Variants in ADGRL2 observed in about 807,000 individuals in gnomAD.
The protein encoded by ADGRL2 is calcium-independent alpha-latrotoxin receptor 2.
Under a neutral mutation model 157.4 loss-of-function variants are expected in ADGRL2, and 44 were observed. The ratio of observed to expected loss-of-function variants is 0.28; its 90% CI spans 0.22 to 0.36. The LOEUF is 0.36. Ranked by LOEUF, ADGRL2 falls within the 10% of genes least tolerant of loss-of-function variation. ADGRL2 has a pLI of 1.00. For missense variants in ADGRL2, 1,510 were observed against 1,768.9 expected, an observed-to-expected ratio of 0.85 and a Z score of 2.63; for synonymous variants, 585 against 624.7, an observed-to-expected ratio of 0.94 and a Z score of 0.95.
intron 3 of ADGRL2, among the ~76,000 whole-genome samples, chr1:81,924,863 C>G (rs1372821353): frequency 1.3e-5 from 2 of 151,930 alleles, no homozygotes; most frequent in Admixed American, 1.3e-4. Flanking sequence ...GATTGTGTTG[C>G]CAGAATCTGA....
intron 2 of ADGRL2, among the ~76,000 whole-genome samples, chr1:81,571,277 A>T (rs1019169107): frequency 2.0e-5 from 3 of 151,168 alleles, no homozygotes; most frequent in African/African-American, 7.3e-5. Flanking sequence ...GTGAGCCAAG[A>T]TCATGCCACT....
At chr1:81,824,050 T>A (rs889351661) in intron 1 of ADGRL2, among the ~76,000 whole-genome samples, 2 of 152,124 alleles carry the variant, frequency 1.3e-5, no homozygotes, top group South Asian at 4.1e-4. Context: ...TAAGCGAAAG[T>A]CATGGTCCAT....
chr1:81,453,274 T>C (rs2077735403), intron 2 of ADGRL2, among the ~76,000 whole-genome samples: 1 of 152,164 alleles, frequency 6.6e-6, no homozygotes. Flanking sequence ...TAATATGCAA[T>C]AGCATAAACT....
intron 3 of ADGRL2, among the ~76,000 whole-genome samples, chr1:81,907,585 G>A (rs2094609630): frequency 6.6e-6 from 1 of 151,898 alleles, no homozygotes; most frequent in Admixed American, 6.6e-5. Flanking sequence ...CTGGGTCTTT[G>A]GCATTAGTTG....
At chr1:81,764,217 C>G (rs2086026421) in intron 2 of ADGRL2, among the ~76,000 whole-genome samples, 1 of 142,752 alleles carries the variant, frequency 7.0e-6, no homozygotes, top group East Asian at 2.2e-4. Flanking sequence ...AAGTAGATAA[C>G]TAGGCAAATA....
chr1:81,550,491 C>G (rs2080120127), intron 2 of ADGRL2, among the ~76,000 whole-genome samples: 2 of 152,058 alleles, frequency 1.3e-5, no homozygotes, highest in Admixed American at 1.3e-4. Flanking sequence ...GTTACAAGCC[C>G]AAGAGGTGTC....
At chr1:81,306,968 G>T (rs1051258130) in intron 1 of ADGRL2, among the ~76,000 whole-genome samples, 1 of 151,990 alleles carries the variant, frequency 6.6e-6, no homozygotes, top group African/African-American at 2.4e-5. Context: ...CAAAATAATA[G>T]ATTTTACTTT....
chr1:81,878,308 G>T (rs2093894483), intron 2 of ADGRL2, among the ~76,000 whole-genome samples: 2 of 151,768 alleles, frequency 1.3e-5, no homozygotes, highest in African/African-American at 4.8e-5. Context: ...GAAATTATAT[G>T]AGAAGAATTG....
intron 2 of ADGRL2, among the ~76,000 whole-genome samples, chr1:81,863,962 A>T (rs1208209677): frequency 2.6e-5 from 4 of 152,202 alleles, no homozygotes; most frequent in African/African-American, 9.6e-5. Context: ...AACATTAAAA[A>T]TAATTACAAT....
chr1:81,766,172 G>C (rs1211342328), intron 2 of ADGRL2, among the ~76,000 whole-genome samples: 1 of 152,092 alleles, frequency 6.6e-6, no homozygotes, highest in African/African-American at 2.4e-5. Context: ...GCTGATTACT[G>C]CCACTACATT....
chr1:81,813,746 C>T (rs575515344), intron 1 of ADGRL2, among the ~76,000 whole-genome samples: 1 of 151,764 alleles, frequency 6.6e-6, no homozygotes, highest in South Asian at 2.1e-4. Flanking sequence ...CTTATCGTAG[C>T]TGGTTTTTAA....
intron 1 of ADGRL2, among the ~76,000 whole-genome samples, chr1:81,706,192 C>T (rs1024769980): frequency 3.3e-5 from 5 of 150,592 alleles, no homozygotes; most frequent in Admixed American, 6.6e-5. Flanking sequence ...AACAAGACTC[C>T]GTTTCAAAAA....
intron 3 of ADGRL2, among the ~76,000 whole-genome samples, chr1:81,687,445 A>T (rs1290588226): frequency 1.3e-5 from 2 of 152,126 alleles, no homozygotes; most frequent in Non-Finnish European, 2.9e-5. Flanking sequence ...GTTTTGTCTG[A>T]TACAAGAATA....
chr1:81,871,212 G>T (rs1016919383), intron 2 of ADGRL2, among the ~76,000 whole-genome samples: 16 of 151,448 alleles, frequency 1.1e-4, no homozygotes, highest in African/African-American at 3.4e-4. Flanking sequence ...GTGACAGTTT[G>T]CTGAGAATGA....
intron 2 of ADGRL2, among the ~76,000 whole-genome samples, chr1:81,861,292 A>G (rs1207085332): frequency 6.6e-6 from 1 of 152,180 alleles, no homozygotes; most frequent in Non-Finnish European, 1.5e-5. Context: ...AAGTGCTGGG[A>G]TTACAGGCAT....
chr1:81,335,843 A>C (rs1323994578), intron 1 of ADGRL2, among the ~76,000 whole-genome samples: 5 of 151,652 alleles, frequency 3.3e-5, no homozygotes, highest in East Asian at 1.9e-4. Context: ...TTAAAAAAAA[A>C]AAAAACAAAA....
chr1:81,973,326 G>A (rs1659295747), intron 17 of ADGRL2, among the ~76,000 whole-genome samples: 1 of 152,120 alleles, frequency 6.6e-6, no homozygotes, highest in African/African-American at 2.4e-5. Context: ...GTGTTCATAT[G>A]TTAACACAGC....
chr1:81,371,197 A>G (rs2076154812), intron 1 of ADGRL2, among the ~76,000 whole-genome samples: 1 of 152,100 alleles, frequency 6.6e-6, no homozygotes. Context: ...CGACCACCTC[A>G]CCCTTCTTAT....
Position 81,324,126 on chromosome 1 carries a change from GC to G in ADGRL2, c.-302+17618del, listed in dbSNP as rs113929243. ...TGGTAGTGTGAGAGCCCTTTAAGAG[GC>G]TATTGTAGTGGGAAAGACAGAGATG... On this transcript the variant is annotated intron_variant, in intron 1 of 24. Coordinates refer to the ADGRL2 transcript ENST00000370721. Among the ~76,000 whole-genome samples the G allele has an allele frequency of 2.5e-3, 375 of 152,260 alleles. 2 individuals carry two copies. Among genetic ancestry groups the G allele is most frequent in the African/African-American group, 8.5e-3 (355 of 41,560 alleles).
Sources: allele counts gnomAD v4.1 joint callset (sites outside exome capture counted in the v4.1 genomes callset), GRCh38; gene constraint gnomAD v4.1.1; transcripts MANE v1.5; gene names NCBI Gene and HGNC (gene_info 2026-07-23, HGNC 2026-07-21).